The following PNLIPRP1 variants were observed in gnomAD, a reference collection of about 807,000 sequenced individuals.
PNLIPRP1 encodes the protein pancreatic lipase related protein 1, also known as inactive pancreatic lipase-related protein 1.
Under a neutral mutation model 54.6 loss-of-function variants are expected in PNLIPRP1, and 57 were observed. The ratio of observed to expected loss-of-function variants is 1.04; its 90% CI spans 0.84 to 1.30. The LOEUF (loss-of-function observed/expected upper bound fraction) is 1.30, where lower values mean the gene tolerates loss of function less well. Among genes scored for constraint, PNLIPRP1 ranks in the 50% most tolerant of loss-of-function variants. PNLIPRP1 has a pLI of 0.00. For missense variants in PNLIPRP1, 567 were observed against 568.5 expected, an observed-to-expected ratio of 1.00 and a Z score of 0.03; for synonymous variants, 232 against 208.8, an observed-to-expected ratio of 1.11 and a Z score of -0.96.
chr10:116,594,117 G>A (rs1847691596), intron 4 of PNLIPRP1, among the ~76,000 whole-genome samples: 1 of 152,022 alleles, frequency 6.6e-6, no homozygotes, highest in Non-Finnish European at 1.5e-5. Context: ...AATTCAAGCT[G>A]GTAATATGTA....
At chr10:116,598,289 T>A in intron 8 of PNLIPRP1, 123 bp downstream of exon 8, 1 of 966,912 alleles carries the variant, frequency 1.0e-6, no homozygotes, top group Non-Finnish European at 1.5e-6. Context: ...TTCCCTCTTC[T>A]GGGGATTATT....
At position 116,595,427 on chromosome 10, in the gene PNLIPRP1, A is replaced by G. The variant is rs141923679; in HGVS notation, c.465+563A>G. 1.3e-3 allele frequency: 193 copies of G among 154,084 alleles called. 2 individuals carry two copies. Among genetic ancestry groups the G allele is most frequent in the East Asian group, 5.7e-3 (30 of 5,226 alleles). The allele number at this position is 154,084 out of a possible 1,614,324, so 9.5% of individuals were successfully genotyped here. ...TCAGTCTTTAATTCTTTAAGTTGCT[A>G]ATCCTTTGTGACTATTTTCTATACC... On this transcript the variant is annotated intron_variant, in intron 5 of 12. Coordinates refer to ENST00000358834, the MANE Select transcript of PNLIPRP1 (RefSeq NM_006229.4).
chr10:116,608,826 A>T (rs1352068700), intron 12 of PNLIPRP1, among the ~76,000 whole-genome samples: 1 of 152,188 alleles, frequency 6.6e-6, no homozygotes, highest in African/African-American at 2.4e-5. Flanking sequence ...ACACTCCAGA[A>T]CCATAGCAGA....
intron 2 of PNLIPRP1, 143 bp downstream of exon 2, chr10:116,591,321 AG>A: frequency 1.5e-6 from 1 of 660,592 alleles, no homozygotes; most frequent in Non-Finnish European, 2.6e-6. Context: ...TGCCTGGGAG[AG>A]TAGGCTGGGC....
At chr10:116,599,204 G>A (rs1847787491) in intron 8 of PNLIPRP1, among the ~76,000 whole-genome samples, 2 of 149,454 alleles carry the variant, frequency 1.3e-5, no homozygotes, top group African/African-American at 2.5e-5. Flanking sequence ...GCAGTGAGCC[G>A]AGACCATGCC....
chr10:116,599,355 G>A (rs989702972), intron 8 of PNLIPRP1, among the ~76,000 whole-genome samples: 1 of 151,844 alleles, frequency 6.6e-6, no homozygotes, highest in Non-Finnish European at 1.5e-5. Flanking sequence ...GAGGGTTTGC[G>A]TGCATAGGGC....
chr10:116,603,564 A>T (rs1847885559), intron 10 of PNLIPRP1, among the ~76,000 whole-genome samples: 1 of 152,172 alleles, frequency 6.6e-6, no homozygotes, highest in Non-Finnish European at 1.5e-5. Context: ...CTTCTCCATA[A>T]GGCCTTGTTT....
chr10:116,597,821 C>A lies in PNLIPRP1; in HGVS notation c.575-7C>A. ...TATTGTTCTGCAGTGCTGATCATCT[C>A]TTTTAGGGTTGGATCCTGTAGAAGC... On this transcript the variant is annotated splice_region_variant and splice_polypyrimidine_tract_variant and intron_variant, in intron 6 of 12. Transcript: ENST00000358834. 6.2e-7 allele frequency: 1 copy of A among 1,614,154 alleles called. No homozygotes were observed. Among genetic ancestry groups the A allele is most frequent in the South Asian group, 1.1e-5 (1 of 91,076 alleles).
intron 3 of PNLIPRP1, 114 bp from the exon 4 acceptor site, chr10:116,592,302 G>A (rs1847652972): frequency 2.5e-6 from 3 of 1,223,108 alleles, no homozygotes; most frequent in South Asian, 3.0e-5. Context: ...TGGAAGAAGT[G>A]GCTTTTTGCT....
intron 10 of PNLIPRP1, among the ~76,000 whole-genome samples, chr10:116,602,404 T>C (rs1039575546): frequency 6.6e-6 from 1 of 152,184 alleles, no homozygotes; most frequent in Admixed American, 6.5e-5. Context: ...TGCCAATATT[T>C]CAACAACAAA....
In PNLIPRP1 at chr10:116,601,161, GA is replaced by G. The variant is rs782323905; in HGVS notation, c.1026del (p.Lys342AsnfsTer4). On this transcript the variant is annotated frameshift_variant, in exon 10 of 13. Transcript: ENST00000358834. LOFTEE classifies it high-confidence loss of function. ...CTGGCAGGACAAGTGAAGAGCAGCA[GA>G]AATTCTTCTTGAACACAGGAGAGGC... ...FAGRTSEEQQ[K>X]FFLNTGEASN... is the part of the protein sequence containing the mutation. The G allele has an allele frequency of 2.5e-6, 4 of 1,614,008 alleles. No individual in the cohort carries two copies. Among genetic ancestry groups the G allele is most frequent in the Non-Finnish European group, 2.5e-6 (3 of 1,180,026 alleles).
chr10:116,591,211 GCTTAAA>G (rs1564734328), intron 2 of PNLIPRP1, 33 bp downstream of exon 2: 1 of 1,585,164 alleles, frequency 6.3e-7, no homozygotes, highest in South Asian at 1.1e-5. Context: ...CGTAGGAAGG[GCTTAAA>G]CTTAAGCTCT....
At chr10:116,592,776 A>C in intron 4 of PNLIPRP1, 1 of 582,462 alleles carries the variant, frequency 1.7e-6, no homozygotes, top group Non-Finnish European at 3.2e-6. Context: ...TGGTTAAACC[A>C]AGGCCTGATG....
chr10:116,592,650 C>A, intron 4 of PNLIPRP1, 109 bp downstream of exon 4: 1 of 1,315,854 alleles, frequency 7.6e-7, no homozygotes, highest in Non-Finnish European at 1.1e-6. Context: ...TAACTTTATG[C>A]AATTAAAATG....
chr10:116,606,893 C>T (rs1029312202), intron 12 of PNLIPRP1, among the ~76,000 whole-genome samples: 2 of 152,012 alleles, frequency 1.3e-5, no homozygotes, highest in Non-Finnish European at 2.9e-5. Context: ...GGATATAAGA[C>T]ATCAGGTTTT....
intron 9 of PNLIPRP1, 78 bp downstream of exon 9, chr10:116,600,243 A>G (rs1847810621): frequency 4.4e-6 from 4 of 900,348 alleles, no homozygotes; most frequent in Non-Finnish European, 7.4e-6. Flanking sequence ...GGGATTTGCA[A>G]TGCCTTCTCA....
rs1354837185 is a variant in PNLIPRP1 at position 116,592,415 on chromosome 10, G to T, written c.205-1G>T. 1.3e-6 allele frequency: 2 copies of T among 1,599,450 alleles called. No individual in the cohort carries two copies. The highest frequency in any genetic ancestry group is 4.5e-5 in the East Asian group (2 of 44,594). ...ATGAAGCACTTCTGCGTCTGTCACA[G>T]ATTCTCCTCCTCTCTGATCCATCAA... On this transcript the variant is annotated splice_acceptor_variant, in intron 3 of 12. Coordinates refer to ENST00000358834, the MANE Select transcript of PNLIPRP1 (RefSeq NM_006229.4). LOFTEE classifies it high-confidence loss of function.
chr10:116,598,943 C>T (rs139618351), intron 8 of PNLIPRP1, among the ~76,000 whole-genome samples: 1 of 152,248 alleles, frequency 6.6e-6, no homozygotes, highest in Admixed American at 6.5e-5. Flanking sequence ...TATATGGATG[C>T]CATCAAAGCA....
rs1392222468 is a variant in PNLIPRP1, at chr10:116,596,136, G to T, written c.466-78G>T. On this transcript the variant is annotated intron_variant, in intron 5 of 12. Transcript: ENST00000358834. The stretch of plus-strand genomic sequence containing the variant: ...AGAGGCATGGAAGGTTTTCAGCAGA[G>T]GAGTAATATCCATTAGGCTGGCATT... The T allele has an allele frequency of 2.0e-5, 19 of 939,606 alleles. No homozygotes were observed. In the South Asian group the frequency reaches 2.8e-4, roughly 14 times the overall value. The allele number at this position is 939,606 out of a possible 1,614,324, so 58.2% of individuals were successfully genotyped here.
Sources: allele counts gnomAD v4.1 joint callset (sites outside exome capture counted in the v4.1 genomes callset), GRCh38; gene constraint gnomAD v4.1.1; transcripts MANE v1.5; gene names NCBI Gene and HGNC (gene_info 2026-07-23, HGNC 2026-07-21).